MAGI1: variants seen among roughly 807,000 people sequenced by gnomAD.
MAGI1 encodes the protein membrane associated guanylate kinase, WW and PDZ domain containing 1.
In MAGI1, 58 loss-of-function variants were observed where a neutral mutation model predicts 139.9. The observed-to-expected ratio is 0.41, with a 90% CI of 0.34 to 0.52. MAGI1 has a LOEUF of 0.52. MAGI1 is among the 20% of genes least tolerant of loss of function. The pLI, the probability that MAGI1 is intolerant of heterozygous loss-of-function variation, is 0.12. For missense variants in MAGI1, 1,874 were observed against 1,901.6 expected (o/e 0.99, Z 0.27); for synonymous variants, 812 against 737.9 (o/e 1.10, Z -1.63).
intron 1 of MAGI1, among the ~76,000 whole-genome samples, chr3:65,936,290 G>A (rs1024124108): frequency 3.3e-5 from 5 of 152,250 alleles, no homozygotes; most frequent in Admixed American, 2.0e-4. Context: ...AAGAGAAACA[G>A]CAGAATCAAA....
chr3:65,962,082 T>C (rs985603210), intron 1 of MAGI1, among the ~76,000 whole-genome samples: 4 of 151,866 alleles, frequency 2.6e-5, no homozygotes, highest in Non-Finnish European at 1.5e-5. Flanking sequence ...GAAGAAAGCA[T>C]ATTTGGACTG....
At chr3:66,021,901 G>C (rs574257272) in intron 1 of MAGI1, among the ~76,000 whole-genome samples, 127 of 152,232 alleles carry the variant, frequency 8.3e-4, no homozygotes, top group African/African-American at 2.5e-3. Context: ...CCAATGTGTG[G>C]GGTACTGTGT....
chr3:65,812,802 C>T (rs1201566306), intron 1 of MAGI1, among the ~76,000 whole-genome samples: 4 of 144,832 alleles, frequency 2.8e-5, no homozygotes, highest in Non-Finnish European at 4.5e-5. Flanking sequence ...CCTCCGCCTC[C>T]TGGGTTGAAG....
intron 2 of MAGI1, among the ~76,000 whole-genome samples, chr3:65,519,375 CACACACACACAT>C (rs751006405): frequency 0.24 from 16,949 of 69,332 alleles, 1,054 homozygotes; most frequent in South Asian, 0.35. Context: ...CACACACACA[CACACACACACAT>C]ATATATAATT....
At chr3:65,556,638 T>C (rs1451262840) in intron 2 of MAGI1, among the ~76,000 whole-genome samples, 2 of 152,218 alleles carry the variant, frequency 1.3e-5, no homozygotes, top group African/African-American at 4.8e-5. Context: ...CTCCTGCCAA[T>C]ATTCTCATCC....
chr3:65,853,658 G>A (rs2059281551), intron 1 of MAGI1, among the ~76,000 whole-genome samples: 1 of 152,130 alleles, frequency 6.6e-6, no homozygotes, highest in Non-Finnish European at 1.5e-5. Flanking sequence ...CCAAAAAAGG[G>A]CAGCTGAATG....
chr3:65,834,112 C>T (rs1015037404), intron 1 of MAGI1, among the ~76,000 whole-genome samples: 3 of 152,112 alleles, frequency 2.0e-5, no homozygotes, highest in Non-Finnish European at 2.9e-5. Context: ...GATAGATAAA[C>T]AACAAAGGTA....
chr3:65,984,452 T>C (rs145558972), intron 1 of MAGI1, among the ~76,000 whole-genome samples: 1 of 152,088 alleles, frequency 6.6e-6, no homozygotes, highest in East Asian at 1.9e-4. Flanking sequence ...CCAATCTGCA[T>C]GTTCATATTT....
intron 1 of MAGI1, among the ~76,000 whole-genome samples, chr3:65,828,402 G>GTC (rs1369527216): frequency 2.6e-5 from 4 of 152,146 alleles, no homozygotes; most frequent in African/African-American, 4.8e-5. Flanking sequence ...GCTAAATCCA[G>GTC]TCTCTGCACT....
At chr3:65,885,700 G>C (rs2060503135) in intron 1 of MAGI1, among the ~76,000 whole-genome samples, 1 of 152,186 alleles carries the variant, frequency 6.6e-6, no homozygotes, top group Admixed American at 6.5e-5. Context: ...CACCATGTAA[G>C]ACTTGACTTT....
At chr3:65,861,820 C>G (rs2108445645) in intron 1 of MAGI1, among the ~76,000 whole-genome samples, 1 of 152,280 alleles carries the variant, frequency 6.6e-6, no homozygotes, top group East Asian at 1.9e-4. Flanking sequence ...TCTAACTTTT[C>G]TTGAAAAACC....
At chr3:66,026,029 G>C (rs959894402) in intron 1 of MAGI1, among the ~76,000 whole-genome samples, 1 of 151,530 alleles carries the variant, frequency 6.6e-6, no homozygotes, top group Non-Finnish European at 1.5e-5. Flanking sequence ...CTGCAACACC[G>C]GAGAAAGCTT....
intron 1 of MAGI1, among the ~76,000 whole-genome samples, chr3:65,894,877 C>T (rs1180670353): frequency 2.6e-5 from 4 of 152,170 alleles, no homozygotes; most frequent in African/African-American, 9.7e-5. Flanking sequence ...CGGCTGAGGC[C>T]ACTTGCCTCA....
chr3:65,659,788 C>T (rs981409489), intron 1 of MAGI1, among the ~76,000 whole-genome samples: 13 of 152,130 alleles, frequency 8.5e-5, no homozygotes, highest in South Asian at 2.1e-4. Flanking sequence ...GAAGTCCCAC[C>T]GGCGTTTGGG....
At chr3:65,882,476 G>A (rs568605922) in intron 1 of MAGI1, among the ~76,000 whole-genome samples, 6 of 152,090 alleles carry the variant, frequency 3.9e-5, no homozygotes, top group Admixed American at 6.5e-5. Context: ...CAGAGCTTAA[G>A]TTACATGTTT....
intron 1 of MAGI1, among the ~76,000 whole-genome samples, chr3:65,806,354 G>A (rs755443424): frequency 8.5e-5 from 13 of 152,132 alleles, no homozygotes; most frequent in Non-Finnish European, 4.4e-5. Flanking sequence ...CTTTGAACAT[G>A]GGAGGCAGAG....
intron 1 of MAGI1, among the ~76,000 whole-genome samples, chr3:65,911,523 G>A: frequency 6.6e-6 from 1 of 152,018 alleles, no homozygotes; most frequent in African/African-American, 2.4e-5. Flanking sequence ...TGCTTAGGGT[G>A]GATTCAGGGT....
chr3:65,430,900 C>A lies in MAGI1; in HGVS notation c.1364-19G>T, dbSNP rs138523509. ...GGTTTGCCTGGATTAAAATAAGAAACGCATAAGGAATGTCACCACTGGTGA... is the reference window on the plus strand; with the variant it reads ...GGTTTGCCTGGATTAAAATAAGAAAAGCATAAGGAATGTCACCACTGGTGA... On this transcript the variant is annotated intron_variant, in intron 10 of 22. Transcript: ENST00000402939. 6 of 1,609,956 alleles carry A rather than the reference C, an allele frequency of 3.7e-6. No homozygotes were observed. Among genetic ancestry groups the A allele is most frequent in the Non-Finnish European group, 8.5e-7 (1 of 1,177,452 alleles).
At chr3:65,488,348 GT>G (rs1367687935) in intron 3 of MAGI1, among the ~76,000 whole-genome samples, 2 of 148,824 alleles carry the variant, frequency 1.3e-5, no homozygotes, top group Non-Finnish European at 3.0e-5. Flanking sequence ...TTTTTTTTTT[GT>G]TTTTTGAGAC....
Sources: gnomAD v4.1 joint callset for allele counts (sites outside exome capture counted in the v4.1 genomes callset) on GRCh38, gnomAD v4.1.1 for gene constraint, MANE v1.5 for transcripts, NCBI Gene and HGNC (gene_info 2026-07-23, HGNC 2026-07-21) for gene names.